ABCC6: variants seen among roughly 807,000 people sequenced by gnomAD.
ABCC6 encodes ATP binding cassette subfamily C member 6.
ABCC6 carries 126 observed loss-of-function variants against 169.5 expected under a neutral mutation model. That is an observed-to-expected ratio of 0.74 (90% confidence interval 0.64 to 0.86). The LOEUF is 0.86. Among genes scored for constraint, ABCC6 ranks in the 40% least tolerant of loss-of-function variants. The pLI, the probability that ABCC6 is intolerant of heterozygous loss-of-function variation, is 0.00. For missense variants in ABCC6, 1,733 were observed against 1,927.2 expected, an observed-to-expected ratio of 0.90 and a Z score of 1.89; for synonymous variants, 752 against 814.7, an observed-to-expected ratio of 0.92 and a Z score of 1.31.
rs776299480 is a variant in ABCC6 at position 16,203,580 on chromosome 16, G to A, written c.828C>T (p.Gly276=). The A allele has an allele frequency of 1.7e-5, 27 of 1,613,904 alleles. No individual in the cohort carries two copies. The highest frequency in any genetic ancestry group is 4.5e-5 in the East Asian group (2 of 44,902). Residue 276 remains glycine (G), a synonymous_variant, in exon 8 of 31, where the codon GGC becomes GGT. Coordinates refer to ENST00000205557, the MANE Select transcript of ABCC6 (RefSeq NM_001171.6). ...HNKAIAFKRK[G]GSGMKAPETE... ...TCTCTGGAGCCTTCATGCCACTGCCGCCTTTCCTTTTAAATGCTATTGCCT... is the reference window on the plus strand; with the variant it reads ...TCTCTGGAGCCTTCATGCCACTGCCACCTTTCCTTTTAAATGCTATTGCCT...
At chr16:16,178,712 G>C (rs2047369346) in intron 18 of ABCC6, 86 bp downstream of exon 18, 6 of 1,469,132 alleles carry the variant, frequency 4.1e-6, no homozygotes, top group Non-Finnish European at 5.7e-6. Flanking sequence ...GGAAGGGGGA[G>C]GTGAGATAAA....
chr16:16,174,031 ATTAT>A (rs2047192687), intron 20 of ABCC6, among the ~76,000 whole-genome samples: 1 of 152,176 alleles, frequency 6.6e-6, no homozygotes, highest in Non-Finnish European at 1.5e-5. Context: ...AAATAGGAAT[ATTAT>A]CTATCTATCC....
intron 10 of ABCC6, among the ~76,000 whole-genome samples, chr16:16,194,097 T>C (rs2152274084): frequency 6.6e-6 from 1 of 152,336 alleles, no homozygotes; most frequent in South Asian, 2.1e-4. Flanking sequence ...TTGAGACCTA[T>C]GGAATCAGGG....
At chr16:16,164,297 G>C (rs563333922) in intron 23 of ABCC6, among the ~76,000 whole-genome samples, 1 of 152,226 alleles carries the variant, frequency 6.6e-6, no homozygotes, top group Admixed American at 6.5e-5. Flanking sequence ...CTCCCAAAGT[G>C]CTGTGATTAG....
At chr16:16,186,229 G>A (rs1374692615) in intron 14 of ABCC6, among the ~76,000 whole-genome samples, 1 of 152,168 alleles carries the variant, frequency 6.6e-6, no homozygotes, top group East Asian at 1.9e-4. Flanking sequence ...GGTAACTTGA[G>A]CTTGGTAAGT....
At chr16:16,165,531 G>C in intron 23 of ABCC6, 92 bp downstream of exon 23, 1 of 1,436,368 alleles carries the variant, frequency 7.0e-7, no homozygotes, top group Non-Finnish European at 9.7e-7. Context: ...GTCCAGCTGG[G>C]TGAAACCTCA....
At chr16:16,183,216 C>T (rs994112409) in intron 15 of ABCC6, among the ~76,000 whole-genome samples, 1 of 152,202 alleles carries the variant, frequency 6.6e-6, no homozygotes, top group Non-Finnish European at 1.5e-5. Context: ...CATCCACACA[C>T]ACACAAGTGC....
intron 11 of ABCC6, among the ~76,000 whole-genome samples, chr16:16,191,665 C>T (rs1359137965): frequency 6.8e-6 from 1 of 146,940 alleles, no homozygotes; most frequent in Admixed American, 6.9e-5. Flanking sequence ...TCCCTCCCTC[C>T]CCCCTTTCTT....
chr16:16,165,891 C>A lies in ABCC6; in HGVS notation c.3038G>T (p.Gly1013Val). ...GAAGAGCAACCTGGATGCCCGGGCC[C>A]CACCTAGGAGCACCGCAGCCATGGA... ...FASMAAVLLGGARASRLLFQR... is the reference protein window; with the variant it reads ...FASMAAVLLGVARASRLLFQR... The change falls in exon 23 of 31, where the codon GGG (glycine) becomes GTG (valine). Residue 1013 changes from glycine to valine, a missense_variant. Gly to Val is a moderately radical substitution (Grantham distance 109, BLOSUM62 -3). Around this residue, in one of 5 missense-constraint regions of ABCC6, gnomAD observed 1,601 missense variants for 1,635.5 expected, o/e 0.98. Transcript: ENST00000205557. 6.2e-7 allele frequency: 1 copy of A among 1,613,096 alleles called. No individual in the cohort carries two copies. Among genetic ancestry groups the A allele is most frequent in the Non-Finnish European group, 8.5e-7 (1 of 1,179,978 alleles).
At chr16:16,207,673 A>G (rs1894377) in intron 7 of ABCC6, among the ~76,000 whole-genome samples, 12,070 of 152,196 alleles carry the variant, frequency 0.079, 796 homozygotes, top group African/African-American at 0.18. Context: ...TCTGTCTCCT[A>G]AAACACCAAG....
rs994337956 is a variant in ABCC6 at position 16,187,911 on chromosome 16, A to T, written c.1780-700T>A. ...GACACTGTCTCAATAAATAAATTAA[A>T]TAAATAAATAAATAAATAAATAAAT... is the stretch of plus-strand genomic sequence containing the variant. On this transcript the variant is annotated intron_variant, in intron 13 of 30. Coordinates refer to ENST00000205557, the MANE Select transcript of ABCC6 (RefSeq NM_001171.6). Among the ~76,000 whole-genome samples the T allele has an allele frequency of 1.7e-4, 8 of 46,302 alleles. No individual in the cohort carries two copies. The Admixed American group carries it at 2.0e-3, about 11-fold the overall frequency. 30.4% of individuals were successfully genotyped at this position (46,302 alleles called of 152,430 possible). A position where few individuals can be genotyped will look rare whatever the true frequency, so the allele number is the denominator to read the frequency against.
intron 26 of ABCC6, among the ~76,000 whole-genome samples, chr16:16,158,023 A>C (rs559905923): frequency 4.7e-4 from 71 of 152,276 alleles, no homozygotes; most frequent in African/African-American, 1.7e-3. Flanking sequence ...TTTTATTGTT[A>C]TTATTAGCCA....
chr16:16,174,282 G>A (rs1272983860), intron 20 of ABCC6, among the ~76,000 whole-genome samples: 1 of 152,166 alleles, frequency 6.6e-6, no homozygotes, highest in East Asian at 1.9e-4. Context: ...TTCAAACCAT[G>A]TTCCAATAAA....
intron 10 of ABCC6, among the ~76,000 whole-genome samples, chr16:16,193,839 A>C (rs750866275): frequency 6.6e-4 from 100 of 152,234 alleles, no homozygotes; most frequent in Admixed American, 1.8e-3. Context: ...ACAGCTGCAG[A>C]CCCCGAAGGT....
chr16:16,184,645 C>T (rs896334215), intron 15 of ABCC6, among the ~76,000 whole-genome samples: 3 of 152,120 alleles, frequency 2.0e-5, no homozygotes, highest in African/African-American at 4.8e-5. Context: ...AACCTTGGGG[C>T]TCCTCTCAGC....
chr16:16,197,873 A>G (rs1413299525), intron 10 of ABCC6, 148 bp downstream of exon 10: 2 of 915,370 alleles, frequency 2.2e-6, no homozygotes, highest in Non-Finnish European at 3.4e-6. Flanking sequence ...ACAGCCTCAG[A>G]CTTGCCCTAA....
chr16:16,221,604 C>T (rs868697185), intron 2 of ABCC6, 45 bp downstream of exon 2: 2 of 1,607,034 alleles, frequency 1.2e-6, no homozygotes, highest in Non-Finnish European at 8.5e-7. Flanking sequence ...TCCCCTGCCT[C>T]CCCCGAACAT....
chr16:16,197,140 C>T (rs1216433585), intron 10 of ABCC6, among the ~76,000 whole-genome samples: 2 of 152,276 alleles, frequency 1.3e-5, no homozygotes. Flanking sequence ...ATTTTTCCCC[C>T]TAAAATGTTC....
chr16:16,206,486 T>C (rs1388583170), intron 7 of ABCC6, among the ~76,000 whole-genome samples: 2 of 151,464 alleles, frequency 1.3e-5, no homozygotes, highest in East Asian at 3.9e-4. Context: ...ATACAAAAAT[T>C]AGTGAAGCCG....
Sources: allele counts gnomAD v4.1 joint callset (sites outside exome capture counted in the v4.1 genomes callset), GRCh38; gene constraint gnomAD v4.1.1; regional missense constraint gnomAD v4.1.1; transcripts MANE v1.5; gene names NCBI Gene and HGNC (gene_info 2026-07-23, HGNC 2026-07-21).